SLC27A1: variants seen among roughly 807,000 people sequenced by gnomAD.
SLC27A1 encodes long-chain fatty acid transport protein 1.
SLC27A1 carries 61 observed loss-of-function variants against 62.2 expected under a neutral mutation model. That is an observed-to-expected ratio of 0.98 (90% CI 0.80 to 1.21). The LOEUF is 1.21. Ranked by LOEUF, SLC27A1 falls within the 50% of genes most tolerant of loss-of-function variation. SLC27A1 has a pLI of 0.00. For missense variants in SLC27A1, 903 were observed against 932.1 expected (o/e 0.97, Z 0.41); for synonymous variants, 435 against 408.6 (o/e 1.06, Z -0.78).
In SLC27A1 at chr19:17,477,743, CG is replaced by C. The variant is rs1282285409; in HGVS notation, c.167+7040del. On this transcript the variant is annotated intron_variant, in intron 1 of 11. Transcript: ENST00000252595. ...AATTTTTTTGTATTTTTAGTAGAGA[CG>C]GGGTTTCACCATGTTGGGCAGGCTG... Among the ~76,000 whole-genome samples the C allele has an allele frequency of 2.0e-5, 3 of 151,434 alleles. 1 individual carries two copies. The highest frequency in any genetic ancestry group is 7.3e-5 in the African/African-American group (3 of 41,190).
chr19:17,487,404 CCAGGCCCCACCCCCCAATGCT>C lies in SLC27A1; in HGVS notation c.725-42_725-22del, dbSNP rs2075247161. The C allele has an allele frequency of 1.1e-4, 95 of 889,486 alleles. 3 individuals carry two copies. The South Asian group carries it at 1.3e-3, about 12-fold the overall frequency. The allele number at this position is 889,486 out of a possible 1,614,324, so 55.1% of individuals were successfully genotyped here. On this transcript the variant is annotated intron_variant, in intron 3 of 11. Transcript: ENST00000252595. ...CCCGCCCAGGCCCCGCCCCCAACTT[CCAGGCCCCACCCCCCAATGCT>C]CAGGCCCCACCCCTAACACCTGTAT... is the stretch of plus-strand genomic sequence containing the variant.
intron 11 of SLC27A1, among the ~76,000 whole-genome samples, chr19:17,503,285 C>T (rs1314400701): frequency 6.6e-6 from 1 of 152,126 alleles, no homozygotes; most frequent in Non-Finnish European, 1.5e-5. Context: ...CCAGGCTGGT[C>T]TCGCAGTCCT....
chr19:17,500,908 G>T, intron 10 of SLC27A1, 32 bp downstream of exon 10: 1 of 1,578,432 alleles, frequency 6.3e-7, no homozygotes. Flanking sequence ...TGGTCCTGAG[G>T]CATGGTCCTG....
chr19:17,501,467 C>A (rs1345130707), intron 11 of SLC27A1, 48 bp downstream of exon 11: 1 of 1,585,786 alleles, frequency 6.3e-7, no homozygotes, highest in Non-Finnish European at 8.6e-7. Flanking sequence ...ATCAGTGTGT[C>A]TGTTGATTCA....
chr19:17,500,354 C>T lies in SLC27A1; in HGVS notation c.1283C>T (p.Thr428Ile), dbSNP rs766282549. 3.1e-6 allele frequency: 5 copies of T among 1,614,204 alleles called. No individual in the cohort carries two copies. Among genetic ancestry groups the T allele is most frequent in the Admixed American group, 1.7e-5 (1 of 60,020 alleles). The part of the protein sequence containing the change: ...PIRLVKVNED[T>I]MELLRDAQGL... Reference sequence around the variant, plus strand: ...CGGCTGGTGAAGGTCAATGAGGACACAATGGAGCTGCTGCGGGATGCCCAG... The same window carrying T: ...CGGCTGGTGAAGGTCAATGAGGACATAATGGAGCTGCTGCGGGATGCCCAG... Residue 428 changes from threonine to isoleucine, a missense_variant, in exon 8 of 12, where the codon ACA becomes ATA. Physicochemically the swap from Thr to Ile is moderately conservative, Grantham distance 89 (BLOSUM62 -1). Transcript: ENST00000252595.
intron 6 of SLC27A1, chr19:17,492,483 G>C (rs750014346): frequency 6.6e-6 from 1 of 151,936 alleles, no homozygotes; most frequent in Non-Finnish European, 1.5e-5. Flanking sequence ...GCTAGGCATG[G>C]TGGGCGCCTA....
intron 6 of SLC27A1, chr19:17,495,659 G>T (rs1229452680): frequency 1.3e-5 from 2 of 152,242 alleles, no homozygotes; most frequent in African/African-American, 4.8e-5. Flanking sequence ...GAGATGGTGT[G>T]GGCTGTACCA....
chr19:17,469,820 T>C (rs1310328448), upstream of SLC27A1, among the ~76,000 whole-genome samples: 1 of 123,724 alleles, frequency 8.1e-6, no homozygotes, highest in Non-Finnish European at 1.6e-5. Flanking sequence ...CCTGGGAACT[T>C]GGGCTAGGCC....
intron 1 of SLC27A1, among the ~76,000 whole-genome samples, chr19:17,475,999 C>T (rs143582798): frequency 4.7e-4 from 72 of 152,298 alleles, no homozygotes; most frequent in Non-Finnish European, 6.8e-4. Flanking sequence ...GGTGAATCCT[C>T]GTGTTCCCAC....
chr19:17,500,451 C>A, intron 8 of SLC27A1, 44 bp from the exon 9 acceptor site: 2 of 1,611,880 alleles, frequency 1.2e-6, no homozygotes, highest in Non-Finnish European at 1.7e-6. Context: ...GGGGTCCCCA[C>A]GCCCTGCCTG....
chr19:17,473,804 G>A (rs1245215623), intron 1 of SLC27A1, among the ~76,000 whole-genome samples: 1 of 152,198 alleles, frequency 6.6e-6, no homozygotes, highest in Non-Finnish European at 1.5e-5. Context: ...GGAGGTTGCA[G>A]TGAGCCAAGA....
rs749427478 is a variant in SLC27A1, at chr19:17,503,931, CAAAAAAAAAAAAAA to C, written c.1784-511_1784-498del. ...TGGGTGACAAAGCAAGACTATGTCT[CAAAAAAAAAAAAAA>C]AAAAAAAAAAAAGGGTTTTTGCAGA... On this transcript the variant is annotated intron_variant, in intron 11 of 11. Coordinates refer to ENST00000252595, the MANE Select transcript of SLC27A1 (RefSeq NM_198580.3). Among the ~76,000 whole-genome samples, 254 of 53,342 alleles carry C rather than the reference CAAAAAAAAAAAAAA, an allele frequency of 4.8e-3. 3 individuals carry two copies. In the Admixed American group the frequency reaches 0.059, roughly 12 times the overall value. The allele number at this position is 53,342 out of a possible 152,430, so 35.0% of individuals were successfully genotyped here.
chr19:17,494,797 CAA>C (rs71162145), intron 6 of SLC27A1, among the ~76,000 whole-genome samples: 87,219 of 147,828 alleles, frequency 0.59, 25,805 homozygotes, highest in Non-Finnish European at 0.63. Context: ...TTTTTGTTTC[CAA>C]AAAAAAAAAA....
At chr19:17,503,422 T>C (rs1377608412) in intron 11 of SLC27A1, 1 of 152,152 alleles carries the variant, frequency 6.6e-6, no homozygotes, top group African/African-American at 2.4e-5. Context: ...AATGTGCAAA[T>C]GAATGAGCAT....
chr19:17,472,341 G>A (rs1328767097), intron 1 of SLC27A1, among the ~76,000 whole-genome samples: 3 of 151,038 alleles, frequency 2.0e-5, no homozygotes, highest in Non-Finnish European at 4.4e-5. Context: ...CTTGCAGTGA[G>A]CGGAGATCAT....
In SLC27A1 at chr19:17,497,482, C is replaced by A; in HGVS notation, c.1206+18C>A. 6.3e-7 allele frequency: 1 copy of A among 1,594,384 alleles called. No individual in the cohort carries two copies. ...ACGGCAAGGTGCACACCGGCAGGGC[C>A]CCGGGGCAGGTCTCGGAGTTCAGGG... On this transcript the variant is annotated intron_variant, in intron 7 of 11. Transcript: ENST00000252595.
rs1482632940 is a variant in SLC27A1, at chr19:17,489,051, AGTC to A, written c.934_936del (p.Val312del). ...GGCAGTGTCTCATCTATGGGCTGAC[AGTC>A]GTCCTCCGCAAGAAATTCTCGGCCA... On this transcript the variant is annotated inframe_deletion, in exon 6 of 12. Transcript: ENST00000252595. 1 of 1,614,002 alleles carries A rather than the reference AGTC, an allele frequency of 6.2e-7. No individual in the cohort carries two copies. The highest frequency in any genetic ancestry group is 1.3e-5 in the African/African-American group (1 of 74,904).
intron 6 of SLC27A1, chr19:17,492,286 T>C (rs532120709): frequency 4.6e-5 from 7 of 152,340 alleles, no homozygotes; most frequent in African/African-American, 1.7e-4. Context: ...GTCCTCCCAC[T>C]GGGAAGCCCG....
intron 1 of SLC27A1, among the ~76,000 whole-genome samples, chr19:17,483,069 GGAATGAAT>G (rs921567170): frequency 6.6e-6 from 1 of 151,844 alleles, no homozygotes; most frequent in African/African-American, 2.4e-5. Context: ...AGTGAAGGAG[GGAATGAAT>G]GAATGAGGGA....
Sources: allele counts gnomAD v4.1 joint callset (sites outside exome capture counted in the v4.1 genomes callset), GRCh38; gene constraint gnomAD v4.1.1; transcripts MANE v1.5; gene names NCBI Gene and HGNC (gene_info 2026-07-23, HGNC 2026-07-21).